The following STAM2 variants were observed in gnomAD, a reference collection of about 807,000 sequenced individuals.
STAM2 encodes signal transducing adaptor molecule 2, also known as signal transducing adapter molecule 2.
Under a neutral mutation model 65.6 loss-of-function variants are expected in STAM2, and 51 were observed. The ratio of observed to expected loss-of-function variants is 0.78; its 90% confidence interval spans 0.62 to 0.98. The LOEUF (loss-of-function observed/expected upper bound fraction) is 0.98, where lower values mean the gene tolerates loss of function less well. Ranked by LOEUF, STAM2 falls within the 50% of genes least tolerant of loss-of-function variation. The pLI, the probability that STAM2 is intolerant of heterozygous loss-of-function variation, is 0.00. For missense variants in STAM2, 584 were observed against 617.8 expected, an observed-to-expected ratio of 0.95 and a Z score of 0.58; for synonymous variants, 198 against 208.4, an observed-to-expected ratio of 0.95 and a Z score of 0.43.
chr2:152,124,706 C>T (rs1001051218), intron 12 of STAM2: 5 of 152,138 alleles, frequency 3.3e-5, no homozygotes, highest in Admixed American at 2.0e-4. Context: ...AAAGTAAATA[C>T]CATTCATCTG....
chr2:152,166,493 A>G (rs1163675644), intron 1 of STAM2, among the ~76,000 whole-genome samples: 1 of 152,214 alleles, frequency 6.6e-6, no homozygotes, highest in Non-Finnish European at 1.5e-5. Context: ...ATATATACAC[A>G]GCCTATTCTT....
At chr2:152,155,802 A>T (rs569181929) in intron 1 of STAM2, among the ~76,000 whole-genome samples, 2 of 152,284 alleles carry the variant, frequency 1.3e-5, no homozygotes, top group African/African-American at 2.4e-5. Flanking sequence ...CCCCTTTCAC[A>T]TGTAAATCTT....
intron 12 of STAM2, 99 bp from the exon 13 acceptor site, chr2:152,124,034 T>C: frequency 9.7e-7 from 1 of 1,025,658 alleles, no homozygotes; most frequent in Non-Finnish European, 1.4e-6. Context: ...GAAACTATAC[T>C]TCTTTGGGAA....
At chr2:152,172,684 C>T (rs1277165615) in intron 1 of STAM2, among the ~76,000 whole-genome samples, 1 of 151,896 alleles carries the variant, frequency 6.6e-6, no homozygotes, top group African/African-American at 2.4e-5. Flanking sequence ...GCCTGGCCAA[C>T]ATGGTGAAAC....
At chr2:152,128,365 A>G (rs1689000220) in intron 11 of STAM2, among the ~76,000 whole-genome samples, 1 of 152,020 alleles carries the variant, frequency 6.6e-6, no homozygotes, top group African/African-American at 2.4e-5. Flanking sequence ...GTGAGCCGAG[A>G]TTGCACCACT....
intron 1 of STAM2, among the ~76,000 whole-genome samples, chr2:152,170,938 G>A (rs1034762262): frequency 3.3e-5 from 5 of 152,154 alleles, no homozygotes; most frequent in Non-Finnish European, 7.3e-5. Context: ...AGAGGTTGCA[G>A]TGAGCTGAGA....
chr2:152,146,403 G>A (rs1689338295), intron 5 of STAM2, among the ~76,000 whole-genome samples: 1 of 151,812 alleles, frequency 6.6e-6, no homozygotes, highest in Non-Finnish European at 1.5e-5. Flanking sequence ...GGTACTGAGA[G>A]CAAAACCCAA....
At chr2:152,136,992 T>G (rs986173119) in intron 7 of STAM2, among the ~76,000 whole-genome samples, 1 of 151,734 alleles carries the variant, frequency 6.6e-6, no homozygotes, top group Non-Finnish European at 1.5e-5. Flanking sequence ...CCTCCCAGAT[T>G]CAAGAAATTC....
At chr2:152,173,165 T>C (rs1040576571) in intron 1 of STAM2, among the ~76,000 whole-genome samples, 1 of 150,772 alleles carries the variant, frequency 6.6e-6, no homozygotes, top group African/African-American at 2.4e-5. Context: ...ACACAGTAAT[T>C]ATTCAATGTA....
intron 1 of STAM2, among the ~76,000 whole-genome samples, chr2:152,158,264 CAA>C (rs1689589604): frequency 6.6e-6 from 1 of 152,078 alleles, no homozygotes; most frequent in Admixed American, 6.5e-5. Flanking sequence ...ATCACGAGGT[CAA>C]GAGATCCGAG....
intron 1 of STAM2, among the ~76,000 whole-genome samples, chr2:152,173,946 C>T (rs964032117): frequency 6.6e-6 from 1 of 152,094 alleles, no homozygotes; most frequent in African/African-American, 2.4e-5. Flanking sequence ...GAAGCTCTGG[C>T]TTATGGCACT....
At chr2:152,127,723 A>C (rs1038480121) in intron 11 of STAM2, among the ~76,000 whole-genome samples, 4 of 152,226 alleles carry the variant, frequency 2.6e-5, no homozygotes, top group African/African-American at 4.8e-5. Flanking sequence ...CCAATGCTTT[A>C]TTATGTAATA....
At chr2:152,143,166 A>T (rs1338235183) in intron 7 of STAM2, among the ~76,000 whole-genome samples, 3 of 152,224 alleles carry the variant, frequency 2.0e-5, no homozygotes, top group Non-Finnish European at 4.4e-5. Flanking sequence ...AAGTAAAACC[A>T]TTATTTATCT....
intron 1 of STAM2, among the ~76,000 whole-genome samples, chr2:152,162,393 G>A (rs1244074515): frequency 6.6e-6 from 1 of 151,788 alleles, no homozygotes; most frequent in Non-Finnish European, 1.5e-5. Flanking sequence ...GGGCAACATA[G>A]TGAGATCCCT....
chr2:152,164,236 G>A (rs1448780209), intron 1 of STAM2, among the ~76,000 whole-genome samples: 1 of 152,140 alleles, frequency 6.6e-6, no homozygotes, highest in Non-Finnish European at 1.5e-5. Flanking sequence ...TTGAAATATT[G>A]GAGGTGGGTT....
intron 2 of STAM2, among the ~76,000 whole-genome samples, chr2:152,149,600 C>T (rs1189723214): frequency 4.0e-5 from 6 of 150,860 alleles, no homozygotes; most frequent in Non-Finnish European, 7.4e-5. Context: ...TGGGTTCAAG[C>T]GATTTTCCTG....
At chr2:152,144,317 G>A (rs902100843) in intron 6 of STAM2, among the ~76,000 whole-genome samples, 3 of 151,620 alleles carry the variant, frequency 2.0e-5, no homozygotes, top group African/African-American at 7.3e-5. Context: ...ATATTTCTCT[G>A]CTTGACTCAT....
chr2:152,147,979 T>C (rs1328100428), intron 4 of STAM2, 45 bp downstream of exon 4: 11 of 1,410,834 alleles, frequency 7.8e-6, no homozygotes, highest in Admixed American at 1.9e-5. Flanking sequence ...ACACACAATC[T>C]ACATTTTTTT....
At chr2:152,134,834 C>T (rs1689125688) in intron 8 of STAM2, among the ~76,000 whole-genome samples, 1 of 152,170 alleles carries the variant, frequency 6.6e-6, no homozygotes, top group Non-Finnish European at 1.5e-5. Flanking sequence ...ATCATTAGTA[C>T]TATTACGAGC....
Sources: gnomAD v4.1 joint callset for allele counts (sites outside exome capture counted in the v4.1 genomes callset) on GRCh38, gnomAD v4.1.1 for gene constraint, MANE v1.5 for transcripts, NCBI Gene and HGNC (gene_info 2026-07-23, HGNC 2026-07-21) for gene names.